The following WDPCP variants were observed in gnomAD, a reference collection of about 807,000 sequenced individuals.
WDPCP encodes the protein WD repeat-containing and planar cell polarity effector protein fritz homolog.
A neutral mutation model predicts 93.1 loss-of-function variants in WDPCP; 71 were observed. That is an observed-to-expected ratio of 0.76 (90% confidence interval 0.63 to 0.93). The LOEUF (loss-of-function observed/expected upper bound fraction) is 0.93. Ranked by LOEUF, WDPCP falls within the 40% of genes least tolerant of loss-of-function variation. The pLI, the probability that WDPCP is intolerant of heterozygous loss-of-function variation, is 0.00. For synonymous variants in WDPCP, 315 were observed against 315.0 expected (o/e 1.00, Z 0.00); for missense variants, 844 against 887.4 (o/e 0.95, Z 0.62).
chr2:63,145,348 C>T (rs993588072), intron 17 of WDPCP, among the ~76,000 whole-genome samples: 1 of 151,558 alleles, frequency 6.6e-6, no homozygotes, highest in African/African-American at 2.4e-5. Context: ...TCTTCTACTA[C>T]CAGGGTGGAT....
intron 6 of WDPCP, among the ~76,000 whole-genome samples, chr2:63,474,662 G>A (rs1699870350): frequency 1.3e-5 from 2 of 152,096 alleles, no homozygotes; most frequent in Non-Finnish European, 2.9e-5. Context: ...ATGGGCAACT[G>A]GGTGGAGGAA....
intron 14 of WDPCP, among the ~76,000 whole-genome samples, chr2:63,250,763 A>G (rs927373738): frequency 6.6e-6 from 1 of 152,206 alleles, no homozygotes; most frequent in African/African-American, 2.4e-5. Flanking sequence ...ATTTTTAAAG[A>G]AATTAGTTTG....
intron 1 of WDPCP, among the ~76,000 whole-genome samples, chr2:63,540,486 G>A (rs140360966): frequency 0.01 from 1,562 of 152,182 alleles, 17 homozygotes; most frequent in African/African-American, 0.032. Context: ...CCCCCTTATG[G>A]TTGTCTAAGG....
intron 2 of WDPCP, among the ~76,000 whole-genome samples, chr2:63,728,698 G>C (rs1039742338): frequency 4.6e-5 from 7 of 152,072 alleles, no homozygotes; most frequent in African/African-American, 1.4e-4. Context: ...TGACTTGAAC[G>C]TGGGCTTTGT....
chr2:63,221,744 A>G (rs1331264171), intron 14 of WDPCP, among the ~76,000 whole-genome samples: 1 of 152,150 alleles, frequency 6.6e-6, no homozygotes, highest in Non-Finnish European at 1.5e-5. Flanking sequence ...AAGGTTCTCC[A>G]TTAGGTCAGG....
At chr2:63,746,721 C>T (rs764610609) in intron 2 of WDPCP, among the ~76,000 whole-genome samples, 9 of 152,078 alleles carry the variant, frequency 5.9e-5, no homozygotes, top group South Asian at 2.1e-4. Flanking sequence ...TCCAGCCTGG[C>T]GAATTCTAGT....
chr2:63,386,340 T>C (rs1010364355), intron 10 of WDPCP, among the ~76,000 whole-genome samples: 1 of 151,900 alleles, frequency 6.6e-6, no homozygotes, highest in African/African-American at 2.4e-5. Context: ...AAAATATACA[T>C]AAAAAATCTC....
At chr2:63,389,945 T>C (rs1013758939) in intron 10 of WDPCP, among the ~76,000 whole-genome samples, 2 of 152,102 alleles carry the variant, frequency 1.3e-5, no homozygotes, top group Admixed American at 1.3e-4. Flanking sequence ...ACAATAATAA[T>C]GGGAGACTTT....
chr2:63,398,868 T>C (rs537521217), intron 10 of WDPCP, among the ~76,000 whole-genome samples: 2 of 152,140 alleles, frequency 1.3e-5, no homozygotes, highest in Non-Finnish European at 2.9e-5. Context: ...AAACTCCACA[T>C]GGATGCCCAG....
chr2:63,579,976 G>C (rs1210203976), intron 1 of WDPCP, among the ~76,000 whole-genome samples: 2 of 152,128 alleles, frequency 1.3e-5, no homozygotes, highest in Non-Finnish European at 2.9e-5. Context: ...CTCCTGATAT[G>C]TTCAGCCCCC....
chr2:63,450,829 T>C (rs190620462), intron 6 of WDPCP, among the ~76,000 whole-genome samples: 13 of 151,970 alleles, frequency 8.6e-5, no homozygotes, highest in Admixed American at 6.6e-4. Flanking sequence ...AGAGAATTGA[T>C]ATAACTTCAG....
At chr2:63,242,583 C>G (rs1436538791) in intron 14 of WDPCP, among the ~76,000 whole-genome samples, 1 of 152,150 alleles carries the variant, frequency 6.6e-6, no homozygotes, top group Non-Finnish European at 1.5e-5. Context: ...GATGGCGCCA[C>G]TGCACTCTAG....
At chr2:63,266,094 A>C (rs1306034448) in intron 13 of WDPCP, among the ~76,000 whole-genome samples, 2 of 152,220 alleles carry the variant, frequency 1.3e-5, no homozygotes, top group African/African-American at 4.8e-5. Context: ...TAAGATCAGA[A>C]ATAAGACAAG....
intron 1 of WDPCP, among the ~76,000 whole-genome samples, chr2:63,501,241 A>C (rs1186757586): frequency 6.6e-6 from 1 of 152,220 alleles, no homozygotes; most frequent in East Asian, 1.9e-4. Context: ...TTTTTAAAAC[A>C]AGCTTTAGAA....
intron 14 of WDPCP, among the ~76,000 whole-genome samples, chr2:63,176,833 A>G (rs573455265): frequency 7.2e-5 from 11 of 152,286 alleles, no homozygotes; most frequent in East Asian, 5.8e-4. Flanking sequence ...AATCATTGTC[A>G]TATCCAATAT....
At chr2:63,625,681 A>T (rs1709802756) in intron 3 of WDPCP, among the ~76,000 whole-genome samples, 1 of 152,206 alleles carries the variant, frequency 6.6e-6, no homozygotes. Flanking sequence ...CGCTCAAGGC[A>T]ATAAAAGAAC....
intron 2 of WDPCP, among the ~76,000 whole-genome samples, chr2:63,671,150 C>G (rs543885427): frequency 1.3e-5 from 2 of 152,104 alleles, no homozygotes; most frequent in African/African-American, 4.8e-5. Flanking sequence ...GCATGATTCT[C>G]TCCTATCTCT....
chr2:63,253,577 A>C (rs62177820), intron 14 of WDPCP, among the ~76,000 whole-genome samples: 30,575 of 152,154 alleles, frequency 0.2, 3,926 homozygotes, highest in Non-Finnish European at 0.3. Context: ...AAAAAGCATG[A>C]AAATGACATG....
chr2:63,343,530 GA>G (rs1688995037), intron 12 of WDPCP, among the ~76,000 whole-genome samples: 2 of 152,134 alleles, frequency 1.3e-5, no homozygotes, highest in Non-Finnish European at 2.9e-5. Flanking sequence ...ATTGATCTTT[GA>G]GTTGATTCTG....
Sources: gnomAD v4.1 joint callset for allele counts (sites outside exome capture counted in the v4.1 genomes callset) on GRCh38, gnomAD v4.1.1 for gene constraint, MANE v1.5 for transcripts, NCBI Gene and HGNC (gene_info 2026-07-23, HGNC 2026-07-21) for gene names.